NEK7: variants seen among roughly 807,000 people sequenced by gnomAD.
NEK7 encodes the protein NIMA related kinase 7.
Under a neutral mutation model 44.6 loss-of-function variants are expected in NEK7, and 18 were observed. The observed-to-expected ratio is 0.40, with a 90% CI of 0.28 to 0.60. NEK7 has a LOEUF of 0.60. NEK7 is among the 20% of genes least tolerant of loss of function. NEK7 has a pLI of 0.38. For synonymous variants in NEK7, 130 were observed against 121.1 expected (o/e 1.07, Z -0.48); for missense variants, 256 against 366.5 (o/e 0.70, Z 2.46).
chr1:198,249,199 G>A (rs544904707), intron 2 of NEK7, among the ~76,000 whole-genome samples: 3 of 152,006 alleles, frequency 2.0e-5, no homozygotes, highest in East Asian at 3.9e-4. Flanking sequence ...TTTCATCCAT[G>A]TCCCTACAAA....
At chr1:198,317,637 T>G (rs954720666) in intron 9 of NEK7, among the ~76,000 whole-genome samples, 1 of 152,108 alleles carries the variant, frequency 6.6e-6, no homozygotes, top group South Asian at 2.1e-4. Flanking sequence ...GTGGCAGTGT[T>G]AGGAAGTCAA....
At chr1:198,270,238 G>T (rs1043191946) in intron 5 of NEK7, among the ~76,000 whole-genome samples, 1 of 151,824 alleles carries the variant, frequency 6.6e-6, no homozygotes, top group African/African-American at 2.4e-5. Flanking sequence ...GAATTAATTT[G>T]TAAGTGCCTG....
At chr1:198,279,781 A>G (rs1654138465) in intron 7 of NEK7, among the ~76,000 whole-genome samples, 1 of 151,992 alleles carries the variant, frequency 6.6e-6, no homozygotes, top group Admixed American at 6.6e-5. Flanking sequence ...ACTAAATAAC[A>G]AAATAGTGAA....
intron 3 of NEK7, among the ~76,000 whole-genome samples, chr1:198,258,812 A>G (rs1201088361): frequency 1.3e-5 from 2 of 152,196 alleles, no homozygotes; most frequent in Non-Finnish European, 2.9e-5. Context: ...GATGCCTCCT[A>G]AAGACTTGTT....
chr1:198,298,144 C>T (rs1571613879), intron 9 of NEK7, among the ~76,000 whole-genome samples: 1 of 152,116 alleles, frequency 6.6e-6, no homozygotes. Context: ...GTTAGGACAT[C>T]GCACCTTCTC....
rs929430979 is a variant in NEK7 at position 198,219,793 on chromosome 1, A to G, written c.-28-12760A>G. ...AGAGGTGATGTTTTCTACTAAGTGC[A>G]TTGTATTTGGAGGCACATATCTGCA... On this transcript the variant is annotated intron_variant, in intron 1 of 9. Transcript: ENST00000367385. Among the ~76,000 whole-genome samples the G allele has an allele frequency of 4.0e-5, 6 of 151,888 alleles. No homozygotes were observed. In the East Asian group the frequency reaches 1.2e-3, roughly 29 times the overall value.
chr1:198,196,911 G>A (rs182200804), intron 1 of NEK7, among the ~76,000 whole-genome samples: 2 of 152,298 alleles, frequency 1.3e-5, no homozygotes, highest in Admixed American at 1.3e-4. Flanking sequence ...GACCATGAGT[G>A]CCACTGGTAA....
intron 1 of NEK7, among the ~76,000 whole-genome samples, chr1:198,173,917 A>G (rs1427487877): frequency 6.6e-6 from 1 of 152,176 alleles, no homozygotes; most frequent in Non-Finnish European, 1.5e-5. Flanking sequence ...TTTACATGTA[A>G]GTGTGCCAGA....
At chr1:198,197,752 C>A in intron 1 of NEK7, 1 of 651,178 alleles carries the variant, frequency 1.5e-6, no homozygotes. Flanking sequence ...ACTGGTGAGA[C>A]TTGAGGGTAA....
chr1:198,239,714 A>G (rs1356234528), intron 2 of NEK7, among the ~76,000 whole-genome samples: 1 of 152,072 alleles, frequency 6.6e-6, no homozygotes, highest in Non-Finnish European at 1.5e-5. Context: ...TCTCTAACTG[A>G]AAGTTAATTT....
intron 1 of NEK7, among the ~76,000 whole-genome samples, chr1:198,193,786 G>A (rs1419957283): frequency 6.6e-6 from 1 of 152,042 alleles, no homozygotes; most frequent in Non-Finnish European, 1.5e-5. Context: ...AGGTATTGAA[G>A]GAACATACCT....
intron 7 of NEK7, 23 bp from the exon 8 acceptor site, chr1:198,292,922 T>C: frequency 7.9e-7 from 1 of 1,272,398 alleles, no homozygotes; most frequent in Non-Finnish European, 1.1e-6. Context: ...ACCTCTTACT[T>C]TATTTGGTTT....
intron 5 of NEK7, among the ~76,000 whole-genome samples, chr1:198,272,764 T>A (rs1300796513): frequency 6.6e-6 from 1 of 151,858 alleles, no homozygotes; most frequent in Non-Finnish European, 1.5e-5. Flanking sequence ...GGGACCATTC[T>A]TTTTAGTAAT....
At chr1:198,310,005 T>C (rs2103033097) in intron 9 of NEK7, among the ~76,000 whole-genome samples, 1 of 151,812 alleles carries the variant, frequency 6.6e-6, no homozygotes, top group East Asian at 1.9e-4. Flanking sequence ...TCTAGATCCC[T>C]GAGGAATCGC....
intron 1 of NEK7, among the ~76,000 whole-genome samples, chr1:198,210,962 C>T (rs1035923074): frequency 4.6e-5 from 7 of 151,566 alleles, no homozygotes; most frequent in East Asian, 1.9e-4. Flanking sequence ...CCGTTTTAGC[C>T]GGGATGGTCT....
chr1:198,240,648 C>A (rs1558072856), intron 2 of NEK7, among the ~76,000 whole-genome samples: 1 of 151,766 alleles, frequency 6.6e-6, no homozygotes, highest in South Asian at 2.1e-4. Context: ...TCTTGGTATT[C>A]TTTTTTTTGA....
intron 1 of NEK7, among the ~76,000 whole-genome samples, chr1:198,209,056 T>TAC (rs1665686516): frequency 7.1e-5 from 7 of 97,916 alleles, no homozygotes; most frequent in African/African-American, 2.9e-4. Context: ...TATATATATA[T>TAC]ATACACACAC....
At chr1:198,292,826 G>T in intron 7 of NEK7, 119 bp from the exon 8 acceptor site, 1 of 712,412 alleles carries the variant, frequency 1.4e-6, no homozygotes, top group Non-Finnish European at 2.5e-6. Context: ...AACAGCTTTC[G>T]ATCCTAATGA....
intron 2 of NEK7, among the ~76,000 whole-genome samples, chr1:198,249,653 T>C (rs1231873805): frequency 1.3e-5 from 2 of 151,688 alleles, no homozygotes; most frequent in Non-Finnish European, 2.9e-5. Context: ...GTGAGCATTT[T>C]TTCATGTGTT....
Sources: gnomAD v4.1 joint callset for allele counts (sites outside exome capture counted in the v4.1 genomes callset) on GRCh38, gnomAD v4.1.1 for gene constraint, MANE v1.5 for transcripts, NCBI Gene and HGNC (gene_info 2026-07-23, HGNC 2026-07-21) for gene names.